Variants in PPM1A observed in about 807,000 individuals in gnomAD.
PPM1A encodes protein phosphatase, Mg2+/Mn2+ dependent 1A.
In PPM1A, 7 loss-of-function variants were observed where a neutral mutation model predicts 35.0. The observed-to-expected ratio is 0.20, with a 90% CI of 0.11 to 0.38. The LOEUF (loss-of-function observed/expected upper bound fraction) is 0.38. Among genes scored for constraint, PPM1A ranks in the 10% least tolerant of loss-of-function variants. The pLI is 1.00. For synonymous variants in PPM1A, 153 were observed against 167.3 expected, an observed-to-expected ratio of 0.91 and a Z score of 0.66; for missense variants, 239 against 467.8, an observed-to-expected ratio of 0.51 and a Z score of 4.51.
At chr14:60,252,175 T>G (rs1882505575) in intron 1 of PPM1A, among the ~76,000 whole-genome samples, 1 of 152,250 alleles carries the variant, frequency 6.6e-6, no homozygotes, top group African/African-American at 2.4e-5. Flanking sequence ...GATTTTGGTT[T>G]AACTGTGCGT....
chr14:60,297,762 AT>A lies in PPM1A; in HGVS notation c.*5281del. On this transcript the variant is annotated 3_prime_UTR_variant, in exon 6 of 6. Transcript: ENST00000395076. ...TGAATGACACAAAATCATTTTAGCA[AT>A]GCTTCTTAACCTTTTGGGGTCACAG... 1 of 151,750 alleles carries A rather than the reference AT, an allele frequency of 6.6e-6. No individual in the cohort carries two copies. Among genetic ancestry groups the A allele is most frequent in the African/African-American group, 2.4e-5 (1 of 41,494 alleles). 9.4% of individuals were successfully genotyped at this position (151,750 alleles called of 1,614,324 possible).
chr14:60,266,318 A>T (rs575769817), intron 1 of PPM1A, among the ~76,000 whole-genome samples: 1 of 152,212 alleles, frequency 6.6e-6, no homozygotes, highest in South Asian at 2.1e-4. Flanking sequence ...TGCTTAAAAG[A>T]CGTTTGCTTT....
chr14:60,298,804 A>G lies in PPM1A; in HGVS notation c.*6322A>G, dbSNP rs1453762594. 1 of 151,902 alleles carries G rather than the reference A, an allele frequency of 6.6e-6. No individual in the cohort carries two copies. The highest frequency in any genetic ancestry group is 1.9e-4 in the East Asian group (1 of 5,206). 9.4% of individuals were successfully genotyped at this position (151,902 alleles called of 1,614,324 possible). ...TGCAGAAATATTTTTCTTAAATACA[A>G]TGTGTAACAAAATTCTCCGTAGCAA... is the stretch of plus-strand genomic sequence containing the variant. On this transcript the variant is annotated 3_prime_UTR_variant, in exon 6 of 6. Transcript: ENST00000395076.
rs141074240 is a variant in PPM1A, at chr14:60,281,505, G to A, written c.-20-1179G>A. Among the ~76,000 whole-genome samples, 403 of 152,210 alleles carry A rather than the reference G, an allele frequency of 2.6e-3. 2 individuals carry two copies. Among genetic ancestry groups the A allele is most frequent in the African/African-American group, 9.0e-3 (375 of 41,522 alleles). On this transcript the variant is annotated intron_variant, in intron 1 of 5. Coordinates refer to ENST00000395076, the MANE Select transcript of PPM1A (RefSeq NM_021003.5). ...ATCAATACCCTAGTTTCAGAGCTGC[G>A]TAGTGATTTACCTAGATACTTTTCT...
intron 1 of PPM1A, among the ~76,000 whole-genome samples, chr14:60,271,314 T>C (rs540344789): frequency 6.6e-6 from 1 of 152,364 alleles, no homozygotes; most frequent in East Asian, 1.9e-4. Context: ...CATCTCAAGA[T>C]TCTTAATCAC....
chr14:60,246,084 G>A (rs1316451012), upstream of PPM1A: 1 of 1,520,056 alleles, frequency 6.6e-7, no homozygotes, highest in Non-Finnish European at 8.8e-7. Flanking sequence ...CCTATGTTCT[G>A]GTTGGCTTTC....
Position 60,298,738 on chromosome 14 carries a change from A to G in PPM1A, c.*6256A>G, listed in dbSNP as rs1888248621. On this transcript the variant is annotated 3_prime_UTR_variant, in exon 6 of 6. Coordinates refer to ENST00000395076, the MANE Select transcript of PPM1A (RefSeq NM_021003.5). ...ATGTTAAAAGCATGTTGCATTATAT[A>G]TTCATTTTTTAAACTCTATAAATGT... 6.6e-6 allele frequency: 1 copy of G among 151,838 alleles called. No individual in the cohort carries two copies. The highest frequency in any genetic ancestry group is 1.5e-5 in the Non-Finnish European group (1 of 67,778). 9.4% of individuals were successfully genotyped at this position (151,838 alleles called of 1,614,324 possible).
At position 60,293,544 on chromosome 14, in the gene PPM1A, C is replaced by G. The variant is rs1887832886; in HGVS notation, c.*1062C>G. The G allele has an allele frequency of 6.6e-6, 1 of 151,956 alleles. No individual in the cohort carries two copies. The highest frequency in any genetic ancestry group is 2.4e-5 in the African/African-American group (1 of 41,414). 9.4% of individuals were successfully genotyped at this position (151,956 alleles called of 1,614,324 possible). A position where few individuals can be genotyped will look rare whatever the true frequency, so the allele number is the denominator to read the frequency against. On this transcript the variant is annotated 3_prime_UTR_variant, in exon 6 of 6. Transcript: ENST00000395076. This position sits in a 1 kb window ranked among gnomAD's most constrained non-coding sequence, Gnocchi z 4.0. ...ATTTAATTCTTGGTTGTACCTTAAT[C>G]TATTTTTTAAATAGGTTTCTTTCAG... is the stretch of plus-strand genomic sequence containing the variant.
At chr14:60,272,418 A>G (rs1254209066) in intron 1 of PPM1A, among the ~76,000 whole-genome samples, 3 of 152,088 alleles carry the variant, frequency 2.0e-5, no homozygotes, top group Non-Finnish European at 2.9e-5. Flanking sequence ...ATTTTAAGAC[A>G]CACAGGAGGC....
At chr14:60,281,045 A>G (rs1275818257) in intron 1 of PPM1A, among the ~76,000 whole-genome samples, 1 of 152,176 alleles carries the variant, frequency 6.6e-6, no homozygotes, top group African/African-American at 2.4e-5. Context: ...ATTATTATCT[A>G]CCTTAGAGAG....
chr14:60,246,802 GAAAT>G (rs573235739), upstream of PPM1A, among the ~76,000 whole-genome samples: 65 of 152,278 alleles, frequency 4.3e-4, no homozygotes, highest in Non-Finnish European at 8.5e-4. Flanking sequence ...GCTGTATTCA[GAAAT>G]AAATAGTAGG....
At chr14:60,272,473 A>G (rs1410074727) in intron 1 of PPM1A, among the ~76,000 whole-genome samples, 1 of 152,056 alleles carries the variant, frequency 6.6e-6, no homozygotes, top group Non-Finnish European at 1.5e-5. Flanking sequence ...TTGAGAGGCC[A>G]AGGCAGGGGA....
chr14:60,269,014 TATA>T (rs77191446), intron 1 of PPM1A, among the ~76,000 whole-genome samples: 1,794 of 151,806 alleles, frequency 0.012, 13 homozygotes, highest in Middle Eastern at 0.024. Flanking sequence ...CTTTCCAACA[TATA>T]ATCCAATAAT....
chr14:60,284,707 G>GTATATATATATATA (rs9323362), intron 2 of PPM1A, among the ~76,000 whole-genome samples: 1 of 143,344 alleles, frequency 7.0e-6, no homozygotes, highest in African/African-American at 2.6e-5. Flanking sequence ...ATGTGTGTGT[G>GTATATATATATATA]TATATATATA....
rs1888236028 is a variant in PPM1A at position 60,298,571 on chromosome 14, C to G, written c.*6089C>G. 1 of 151,626 alleles carries G rather than the reference C, an allele frequency of 6.6e-6. No homozygotes were observed. The highest frequency in any genetic ancestry group is 2.4e-5 in the African/African-American group (1 of 41,360). 9.4% of individuals were successfully genotyped at this position (151,626 alleles called of 1,614,324 possible). The stretch of plus-strand genomic sequence containing the variant: ...CTGGAACATAGAAACCATTATCTTA[C>G]CTGGTTATCCCTTGACTAAATAGCA... On this transcript the variant is annotated 3_prime_UTR_variant, in exon 6 of 6. Transcript: ENST00000395076.
chr14:60,274,352 A>G (rs376114364), intron 1 of PPM1A, among the ~76,000 whole-genome samples: 1 of 151,904 alleles, frequency 6.6e-6, no homozygotes, highest in East Asian at 1.9e-4. Flanking sequence ...GAGCATCAAC[A>G]TTTTTTTTAA....
chr14:60,259,825 T>G (rs1883542523), intron 1 of PPM1A, among the ~76,000 whole-genome samples: 1 of 152,088 alleles, frequency 6.6e-6, no homozygotes, highest in Non-Finnish European at 1.5e-5. Context: ...TAAATTTAGC[T>G]TAGATGTTTT....
chr14:60,293,086 T>C lies in PPM1A; in HGVS notation c.*604T>C, dbSNP rs1887793868. ...AGCCAGTCCCTTCATTTAACTGTCTTTCAGGATGTTCCTTCGTTGTTTCCA... is the reference window on the plus strand; with the variant it reads ...AGCCAGTCCCTTCATTTAACTGTCTCTCAGGATGTTCCTTCGTTGTTTCCA... On this transcript the variant is annotated 3_prime_UTR_variant, in exon 6 of 6. Transcript: ENST00000395076. The surrounding 1 kb of genome is among the most constrained non-coding windows in gnomAD (Gnocchi z 4.0). 1 of 152,112 alleles carries C rather than the reference T, an allele frequency of 6.6e-6. No individual in the cohort carries two copies. Among genetic ancestry groups the C allele is most frequent in the Admixed American group, 6.6e-5 (1 of 15,250 alleles). The allele number at this position is 152,112 out of a possible 1,614,324, so 9.4% of individuals were successfully genotyped here. A position where few individuals can be genotyped will look rare whatever the true frequency, so the allele number is the denominator to read the frequency against.
chr14:60,247,537 G>A (rs1015423270), upstream of PPM1A, among the ~76,000 whole-genome samples: 2 of 150,580 alleles, frequency 1.3e-5, no homozygotes, highest in Non-Finnish European at 1.5e-5. Flanking sequence ...GGCTGAGGCA[G>A]GAGAATGGCA....
Sources: allele counts gnomAD v4.1 joint callset (sites outside exome capture counted in the v4.1 genomes callset), GRCh38; gene constraint gnomAD v4.1.1; non-coding constraint Gnocchi (gnomAD v3.1); transcripts MANE v1.5; gene names NCBI Gene and HGNC (gene_info 2026-07-23, HGNC 2026-07-21).